Variants in LRFN5 observed in about 807,000 individuals in gnomAD.
LRFN5 encodes leucine rich repeat and fibronectin type III domain containing 5.
LRFN5 carries 24 observed loss-of-function variants against 45.6 expected under a neutral mutation model. That is an observed-to-expected ratio of 0.53 (90% confidence interval 0.38 to 0.74). The LOEUF is 0.74. LRFN5 is among the 30% of genes least tolerant of loss of function. The probability of loss-of-function intolerance (pLI) is 0.00; values close to 1 mark genes in which losing one functional copy is unlikely to be tolerated. For missense variants in LRFN5, 776 were observed against 861.5 expected (o/e 0.90, Z 1.24); for synonymous variants, 340 against 313.8 (o/e 1.08, Z -0.88).
At chr14:41,759,009 T>C (rs550253670) in intron 1 of LRFN5, among the ~76,000 whole-genome samples, 8 of 152,232 alleles carry the variant, frequency 5.3e-5, no homozygotes, top group African/African-American at 1.9e-4. Flanking sequence ...GGGCATACAA[T>C]TATTCATATT....
chr14:41,634,079 T>G (rs1025566815), intron 1 of LRFN5, among the ~76,000 whole-genome samples: 7 of 152,162 alleles, frequency 4.6e-5, no homozygotes, highest in Non-Finnish European at 8.8e-5. Flanking sequence ...CTCATTAGCT[T>G]TCAATTTCCT....
chr14:41,801,610 A>G (rs766357659), intron 2 of LRFN5, among the ~76,000 whole-genome samples: 48 of 152,132 alleles, frequency 3.2e-4, no homozygotes, highest in Admixed American at 5.9e-4. Context: ...TTACTTCTCT[A>G]CAAGAAGGAT....
At chr14:41,679,628 G>A (rs563292449) in intron 1 of LRFN5, among the ~76,000 whole-genome samples, 20 of 152,164 alleles carry the variant, frequency 1.3e-4, no homozygotes, top group South Asian at 8.3e-4. Context: ...TGCTTGTTAC[G>A]GCCTTCTGTG....
At chr14:41,893,709 T>C in intron 4 of LRFN5, 10 of 985,322 alleles carry the variant, frequency 1.0e-5, no homozygotes, top group Non-Finnish European at 1.1e-5. Context: ...TTCAATAGTA[T>C]GTAAGATTAA....
At chr14:41,711,038 C>G (rs1318403220) in intron 1 of LRFN5, among the ~76,000 whole-genome samples, 1 of 151,948 alleles carries the variant, frequency 6.6e-6, no homozygotes, top group African/African-American at 2.4e-5. Flanking sequence ...TTTGATGACT[C>G]CACTCTGAAA....
chr14:41,641,081 T>C (rs1879553076), intron 1 of LRFN5, among the ~76,000 whole-genome samples: 2 of 152,076 alleles, frequency 1.3e-5, no homozygotes, highest in African/African-American at 4.8e-5. Flanking sequence ...ATTCACACTC[T>C]CTAAAGTGCA....
At chr14:41,666,640 A>C (rs1880913320) in intron 1 of LRFN5, among the ~76,000 whole-genome samples, 1 of 152,116 alleles carries the variant, frequency 6.6e-6, no homozygotes, top group Non-Finnish European at 1.5e-5. Flanking sequence ...CTTGGATTTC[A>C]TTCTTTTAAG....
At chr14:41,879,738 C>T (rs865858194) in intron 2 of LRFN5, among the ~76,000 whole-genome samples, 3,146 of 146,384 alleles carry the variant, frequency 0.021, 100 homozygotes, top group African/African-American at 0.074. Context: ...CTTGTCTATA[C>T]ATTTTCTTCT....
intron 1 of LRFN5, among the ~76,000 whole-genome samples, chr14:41,735,258 ATTT>A (rs1158068416): frequency 1.8e-5 from 2 of 112,926 alleles, no homozygotes; most frequent in Admixed American, 9.1e-5. Flanking sequence ...ATTCACCTTT[ATTT>A]TTATTTTTAT....
chr14:41,811,801 A>G (rs1257307222), intron 2 of LRFN5, among the ~76,000 whole-genome samples: 1 of 151,996 alleles, frequency 6.6e-6, no homozygotes, highest in Admixed American at 6.6e-5. Flanking sequence ...GTGCTGATGG[A>G]CTGGGGGTTT....
chr14:41,725,665 G>A (rs1050003079), intron 1 of LRFN5, among the ~76,000 whole-genome samples: 2 of 152,078 alleles, frequency 1.3e-5, no homozygotes, highest in Admixed American at 1.3e-4. Flanking sequence ...ACTGTAAATT[G>A]CCACATATGT....
intron 1 of LRFN5, among the ~76,000 whole-genome samples, chr14:41,675,709 A>G (rs1426819709): frequency 6.6e-6 from 1 of 152,166 alleles, no homozygotes; most frequent in East Asian, 1.9e-4. Context: ...TTCCCTGCCC[A>G]CATTTGACTA....
chr14:41,749,541 T>C (rs1006982714), intron 1 of LRFN5, among the ~76,000 whole-genome samples: 2 of 152,154 alleles, frequency 1.3e-5, no homozygotes, highest in African/African-American at 4.8e-5. Flanking sequence ...CTGGAGGCTA[T>C]TATCCTTAGC....
chr14:41,821,121 T>C (rs1229422589), intron 2 of LRFN5, among the ~76,000 whole-genome samples: 1 of 151,966 alleles, frequency 6.6e-6, no homozygotes, highest in Admixed American at 6.6e-5. Flanking sequence ...TGCCTGATTG[T>C]TCTTGCTAGG....
intron 1 of LRFN5, among the ~76,000 whole-genome samples, chr14:41,655,339 G>A (rs954656305): frequency 7.9e-5 from 12 of 152,092 alleles, no homozygotes; most frequent in Admixed American, 4.6e-4. Flanking sequence ...TTTGAACAGA[G>A]ACCTGAAGAA....
chr14:41,634,216 A>C (rs756048731), intron 1 of LRFN5, among the ~76,000 whole-genome samples: 9 of 152,146 alleles, frequency 5.9e-5, no homozygotes, highest in Non-Finnish European at 1.2e-4. Context: ...CACCACACTT[A>C]ATTTTAGATC....
chr14:41,900,990 T>C (rs1235833192), intron 5 of LRFN5, among the ~76,000 whole-genome samples: 1 of 152,166 alleles, frequency 6.6e-6, no homozygotes, highest in Non-Finnish European at 1.5e-5. Context: ...AATTTTTTTC[T>C]AAGCATAGAG....
chr14:41,677,613 A>T (rs1881692725), intron 1 of LRFN5, among the ~76,000 whole-genome samples: 1 of 152,152 alleles, frequency 6.6e-6, no homozygotes, highest in African/African-American at 2.4e-5. Flanking sequence ...ATTAAAACAA[A>T]AACTTCACTA....
At chr14:41,634,561 G>A (rs1042615188) in intron 1 of LRFN5, among the ~76,000 whole-genome samples, 5 of 152,172 alleles carry the variant, frequency 3.3e-5, no homozygotes, top group Non-Finnish European at 7.3e-5. Context: ...GAAGGATTTT[G>A]TAATCATCCC....
Sources: allele counts gnomAD v4.1 joint callset (sites outside exome capture counted in the v4.1 genomes callset), GRCh38; gene constraint gnomAD v4.1.1; transcripts MANE v1.5; gene names NCBI Gene and HGNC (gene_info 2026-07-23, HGNC 2026-07-21).